The following NFKBIZ variants were observed in gnomAD, a reference collection of about 807,000 sequenced individuals.
NFKBIZ encodes NF-kappa-B inhibitor zeta.
A neutral mutation model predicts 76.8 loss-of-function variants in NFKBIZ; 19 were observed. The ratio of observed to expected loss-of-function variants is 0.25; its 90% CI spans 0.17 to 0.36. NFKBIZ has a LOEUF of 0.36. Ranked by LOEUF, NFKBIZ falls within the 10% of genes least tolerant of loss-of-function variation. The pLI is 1.00. For missense variants in NFKBIZ, 829 were observed against 910.9 expected, an observed-to-expected ratio of 0.91 and a Z score of 1.16; for synonymous variants, 368 against 354.8, an observed-to-expected ratio of 1.04 and a Z score of -0.42.
chr3:101,846,744 C>G (rs1269742560), upstream of NFKBIZ, among the ~76,000 whole-genome samples: 2 of 152,084 alleles, frequency 1.3e-5, no homozygotes, highest in African/African-American at 4.8e-5. Flanking sequence ...TTGAGAAACT[C>G]TAATGTATTA....
intron 2 of NFKBIZ, 66 bp downstream of exon 2, chr3:101,852,290 T>C: frequency 6.4e-7 from 1 of 1,561,610 alleles, no homozygotes; most frequent in Non-Finnish European, 8.7e-7. Flanking sequence ...AGGGTTATTA[T>C]GATGACCTAG....
At chr3:101,858,623 T>C (rs750919049) in intron 11 of NFKBIZ, among the ~76,000 whole-genome samples, 4 of 152,238 alleles carry the variant, frequency 2.6e-5, no homozygotes, top group Non-Finnish European at 5.9e-5. Flanking sequence ...TCCCTGGCTT[T>C]TATTGTCATA....
At chr3:101,854,914 G>A in intron 6 of NFKBIZ, 148 bp from the exon 7 acceptor site, 1 of 943,306 alleles carries the variant, frequency 1.1e-6, no homozygotes, top group South Asian at 1.8e-5. Flanking sequence ...GCTTACTTTA[G>A]TTTCCTTGTC....
At chr3:101,847,736 C>G (rs1373710277), upstream of NFKBIZ, among the ~76,000 whole-genome samples, 2 of 152,196 alleles carry the variant, frequency 1.3e-5, no homozygotes, top group East Asian at 3.8e-4. Flanking sequence ...CACCATTGTA[C>G]ATGGAGTTCA....
chr3:101,842,596 T>TC (rs199706598), intron 2 of NFKBIZ, among the ~76,000 whole-genome samples: 3 of 150,752 alleles, frequency 2.0e-5, no homozygotes, highest in East Asian at 1.9e-4. Context: ...TCTTTTCTTT[T>TC]TTTTTTTTTT....
upstream of NFKBIZ, among the ~76,000 whole-genome samples, chr3:101,845,036 G>C (rs973659157): frequency 6.6e-6 from 1 of 152,110 alleles, no homozygotes; most frequent in African/African-American, 2.4e-5. Context: ...GGGAGGCTGA[G>C]GAGTGGGGGA....
Position 101,849,614 on chromosome 3 carries a change from G to C in NFKBIZ, c.-15G>C. ...GGCGCAGGTGTCGGGGTCCTCGAGC[G>C]CCCAGCCTGGGAGCATGATTGTGGA... On this transcript the variant is annotated 5_prime_UTR_variant, in exon 1 of 12. Coordinates refer to ENST00000326172, the MANE Select transcript of NFKBIZ (RefSeq NM_031419.4). 7.5e-7 allele frequency: 1 copy of C among 1,332,668 alleles called. No individual in the cohort carries two copies. Among genetic ancestry groups the C allele is most frequent in the South Asian group, 2.1e-5 (1 of 48,366 alleles). 82.6% of individuals were successfully genotyped at this position (1,332,668 alleles called of 1,614,324 possible). A position where few individuals can be genotyped will look rare whatever the true frequency, so the allele number is the denominator to read the frequency against.
At chr3:101,850,936 C>T (rs1408558029) in intron 1 of NFKBIZ, among the ~76,000 whole-genome samples, 2 of 152,246 alleles carry the variant, frequency 1.3e-5, no homozygotes, top group Non-Finnish European at 2.9e-5. Flanking sequence ...TGGTTTACCA[C>T]ACAGCCACAG....
upstream of NFKBIZ, among the ~76,000 whole-genome samples, chr3:101,844,876 T>G (rs1942829261): frequency 6.6e-6 from 1 of 152,240 alleles, no homozygotes; most frequent in African/African-American, 2.4e-5. Context: ...AGCAGTACAA[T>G]AACTTATCCT....
chr3:101,831,783 G>T (rs1942651423), intron 2 of NFKBIZ, among the ~76,000 whole-genome samples: 2 of 152,064 alleles, frequency 1.3e-5, no homozygotes, highest in Admixed American at 1.3e-4. Flanking sequence ...TGGGACTACA[G>T]GCACATGCCA....
chr3:101,832,104 C>A (rs1429159655), intron 2 of NFKBIZ, among the ~76,000 whole-genome samples: 1 of 151,862 alleles, frequency 6.6e-6, no homozygotes, highest in South Asian at 2.1e-4. Context: ...TTCTTTCTTT[C>A]TTTTTTATTT....
rs149836536 is a variant in NFKBIZ at position 101,850,785 on chromosome 3, T to C, written c.289+868T>C. Among the ~76,000 whole-genome samples the C allele has an allele frequency of 5.3e-4, 80 of 152,354 alleles. 1 individual carries two copies. In the East Asian group the frequency reaches 0.015, roughly 29 times the overall value. On this transcript the variant is annotated intron_variant, in intron 1 of 11. Coordinates refer to ENST00000326172, the MANE Select transcript of NFKBIZ (RefSeq NM_031419.4). The stretch of plus-strand genomic sequence containing the variant: ...TTGTCATTTATTTTAAAAAGTGATA[T>C]CTCATTTTCATTTTAAGTCATTTAA...
chr3:101,856,038 G>C (rs1467406818), intron 9 of NFKBIZ, 136 bp downstream of exon 9: 1 of 756,760 alleles, frequency 1.3e-6, no homozygotes, highest in Admixed American at 3.6e-5. Context: ...ATGTATGGGT[G>C]GTTAAGAAGC....
In NFKBIZ at chr3:101,856,935, G is replaced by A. The variant is rs537411494; in HGVS notation, c.1825-138G>A. ...TTCCATTTAGCTTGGGATTAAGCAAGGCATTTTGGAGAAGGGAGCATTCAA... is the reference window on the plus strand; with the variant it reads ...TTCCATTTAGCTTGGGATTAAGCAAAGCATTTTGGAGAAGGGAGCATTCAA... On this transcript the variant is annotated intron_variant, in intron 9 of 11. Transcript: ENST00000326172. 1,323 of 639,562 alleles carry A rather than the reference G, an allele frequency of 2.1e-3. 2 individuals carry two copies. The highest frequency in any genetic ancestry group is 3.0e-3 in the Non-Finnish European group (1,103 of 362,556). 39.6% of individuals were successfully genotyped at this position (639,562 alleles called of 1,614,324 possible).
Position 101,853,258 on chromosome 3 carries a change from G to T in NFKBIZ, c.732G>T (p.Val244=). 6.2e-7 allele frequency: 1 copy of T among 1,614,124 alleles called. No individual in the cohort carries two copies. Among genetic ancestry groups the T allele is most frequent in the Non-Finnish European group, 8.5e-7 (1 of 1,180,024 alleles). The part of the protein sequence containing the change: ...TVQVSWLNPV[V]VPQSSPAEQC... ...AAGTTAGCTGGCTGAACCCCGTGGT[G>T]GTCCCTCAGAGCTCCCCCGCAGAGC... Residue 244 remains valine, a synonymous_variant, in exon 5 of 12, where the codon GTG becomes GTT. Transcript: ENST00000326172.
intron 11 of NFKBIZ, 110 bp downstream of exon 11, chr3:101,857,569 C>CTT (rs200815830): frequency 5.3e-6 from 8 of 1,517,330 alleles, no homozygotes; most frequent in Non-Finnish European, 6.2e-6. Context: ...CAGGTGGACT[C>CTT]TATCAGTGTC....
At chr3:101,832,299 A>G (rs1458806029) in intron 2 of NFKBIZ, among the ~76,000 whole-genome samples, 1 of 152,090 alleles carries the variant, frequency 6.6e-6, no homozygotes, top group Admixed American at 6.6e-5. Flanking sequence ...ATATATTTTT[A>G]AATTGTGATA....
chr3:101,829,749 T>G (rs1173301688), intron 2 of NFKBIZ: 1 of 152,118 alleles, frequency 6.6e-6, no homozygotes, highest in African/African-American at 2.4e-5. Flanking sequence ...TTCTGGCTGA[T>G]GTCAAAAAGG....
At chr3:101,854,358 G>A (rs1277366636) in intron 5 of NFKBIZ, among the ~76,000 whole-genome samples, 1 of 152,104 alleles carries the variant, frequency 6.6e-6, no homozygotes, top group East Asian at 1.9e-4. Context: ...TATGGTGCTT[G>A]ACATTCTTCT....
Sources: allele counts gnomAD v4.1 joint callset (sites outside exome capture counted in the v4.1 genomes callset), GRCh38; gene constraint gnomAD v4.1.1; transcripts MANE v1.5; gene names NCBI Gene and HGNC (gene_info 2026-07-23, HGNC 2026-07-21).